The following SUGCT variants were observed in gnomAD, a reference collection of about 807,000 sequenced individuals.
SUGCT encodes the protein succinyl-CoA:glutarate-CoA transferase, also known as succinyl-CoA:glutarate CoA-transferase.
SUGCT carries 41 observed loss-of-function variants against 55.0 expected under a neutral mutation model. The observed-to-expected ratio is 0.74, with a 90% CI of 0.58 to 0.97. The LOEUF (loss-of-function observed/expected upper bound fraction) is 0.97. Among genes scored for constraint, SUGCT ranks in the 50% least tolerant of loss-of-function variants. The pLI is 0.00. For synonymous variants in SUGCT, 187 were observed against 200.4 expected (o/e 0.93, Z 0.56); for missense variants, 568 against 547.8 (o/e 1.04, Z -0.37).
At chr7:40,527,430 G>A (rs951014407) in intron 12 of SUGCT, among the ~76,000 whole-genome samples, 1 of 152,142 alleles carries the variant, frequency 6.6e-6, no homozygotes, top group African/African-American at 2.4e-5. Flanking sequence ...CTTTCTAACA[G>A]AGACAGACAC....
chr7:40,318,362 A>C (rs1020925199), intron 9 of SUGCT, among the ~76,000 whole-genome samples: 2 of 26,620 alleles, frequency 7.5e-5, no homozygotes, highest in East Asian at 1.1e-3. Context: ...GGTCTTTCTC[A>C]AGGGTATTTT....
chr7:40,135,859 A>G (rs565230768), intron 1 of SUGCT, among the ~76,000 whole-genome samples: 71 of 152,110 alleles, frequency 4.7e-4, no homozygotes, highest in African/African-American at 1.7e-3. Flanking sequence ...GTTTCGCCAT[A>G]TTGGCCAGGC....
At chr7:40,592,174 C>G (rs1370349603) in intron 12 of SUGCT, among the ~76,000 whole-genome samples, 1 of 152,142 alleles carries the variant, frequency 6.6e-6, no homozygotes, top group Non-Finnish European at 1.5e-5. Context: ...GGCTTAGATT[C>G]TCTCTAAGAT....
intron 12 of SUGCT, among the ~76,000 whole-genome samples, chr7:40,683,214 T>C (rs1008018570): frequency 1.3e-5 from 2 of 152,212 alleles, no homozygotes; most frequent in Admixed American, 1.3e-4. Flanking sequence ...ATGTTCTAGT[T>C]AAGAAAGTGA....
rs2128809990 is a variant in SUGCT at position 40,860,637 on chromosome 7, A to T, written c.*158A>T. On this transcript the variant is annotated 3_prime_UTR_variant, in exon 14 of 14. Transcript: ENST00000335693. The stretch of plus-strand genomic sequence containing the variant: ...GCATCTCCAGAATGGCTCTGGTATT[A>T]ATGAATCTAGTGCCTTTTAAATGTA... 1.5e-6 allele frequency: 1 copy of T among 655,918 alleles called. No homozygotes were observed. Among genetic ancestry groups the T allele is most frequent in the South Asian group, 3.7e-5 (1 of 26,834 alleles). The allele number at this position is 655,918 out of a possible 1,614,324, so 40.6% of individuals were successfully genotyped here.
chr7:40,973,400 C>T, the SUGCT span, among the ~76,000 whole-genome samples: 1 of 152,116 alleles, frequency 6.6e-6, no homozygotes, highest in Non-Finnish European at 1.5e-5. Flanking sequence ...TTTTTACTAC[C>T]CTTCCCTGGG....
intron 8 of SUGCT, among the ~76,000 whole-genome samples, chr7:40,283,478 C>T (rs1460406342): frequency 6.6e-6 from 1 of 152,144 alleles, no homozygotes; most frequent in Non-Finnish European, 1.5e-5. Context: ...ATCTACCCAC[C>T]TTGGCCTCCC....
intron 1 of SUGCT, among the ~76,000 whole-genome samples, chr7:40,162,162 C>G (rs1784196543): frequency 6.6e-6 from 1 of 152,146 alleles, no homozygotes; most frequent in African/African-American, 2.4e-5. Flanking sequence ...TCCCAAAGCT[C>G]TGGGATTACA....
At chr7:40,920,707 A>G in the SUGCT span, among the ~76,000 whole-genome samples, 2 of 152,210 alleles carry the variant, frequency 1.3e-5, no homozygotes, top group South Asian at 4.1e-4. Flanking sequence ...CTATTTGTCA[A>G]TGTATCTCTA....
At chr7:40,583,504 A>G (rs1202322515) in intron 12 of SUGCT, among the ~76,000 whole-genome samples, 2 of 152,184 alleles carry the variant, frequency 1.3e-5, no homozygotes, top group Non-Finnish European at 2.9e-5. Context: ...GATGATATTT[A>G]GTGTCATTGA....
intron 12 of SUGCT, among the ~76,000 whole-genome samples, chr7:40,735,539 C>T (rs748833374): frequency 2.6e-5 from 4 of 151,998 alleles, no homozygotes; most frequent in Non-Finnish European, 5.9e-5. Context: ...CCAGCATTTG[C>T]TAATACTCTT....
chr7:40,380,279 A>G (rs919275390), intron 9 of SUGCT, among the ~76,000 whole-genome samples: 2 of 152,194 alleles, frequency 1.3e-5, no homozygotes. Context: ...AAAATGCCAT[A>G]AACTCAACTG....
At chr7:40,402,600 T>G (rs1478382105) in intron 9 of SUGCT, among the ~76,000 whole-genome samples, 1 of 152,150 alleles carries the variant, frequency 6.6e-6, no homozygotes, top group Non-Finnish European at 1.5e-5. Context: ...TTTTCTGTTC[T>G]TTCTTAAAAA....
At chr7:40,752,402 C>G (rs1465471893) in intron 13 of SUGCT, among the ~76,000 whole-genome samples, 5 of 152,184 alleles carry the variant, frequency 3.3e-5, no homozygotes, top group Non-Finnish European at 7.3e-5. Flanking sequence ...GTCGCCCAGG[C>G]TGAAGTGCAG....
At chr7:40,486,614 C>T (rs1457310750) in intron 11 of SUGCT, among the ~76,000 whole-genome samples, 1 of 151,788 alleles carries the variant, frequency 6.6e-6, no homozygotes, top group Non-Finnish European at 1.5e-5. Flanking sequence ...CTGCTATAAA[C>T]TTCCCTCTTA....
At chr7:40,879,581 G>A in the SUGCT span, among the ~76,000 whole-genome samples, 1 of 152,154 alleles carries the variant, frequency 6.6e-6, no homozygotes, top group Non-Finnish European at 1.5e-5. Flanking sequence ...CCCAATCATG[G>A]TTCAAGAAAT....
At chr7:40,304,395 C>CT (rs939111598) in intron 8 of SUGCT, among the ~76,000 whole-genome samples, 124 of 147,156 alleles carry the variant, frequency 8.4e-4, no homozygotes, top group African/African-American at 2.8e-3. Context: ...TGGGCCAATT[C>CT]TTTTTTTTTT....
chr7:40,818,995 G>A (rs926164673), intron 13 of SUGCT, among the ~76,000 whole-genome samples: 9 of 144,452 alleles, frequency 6.2e-5, no homozygotes, highest in Non-Finnish European at 8.9e-5. Flanking sequence ...ACCTATGAGC[G>A]AGAACATGTG....
chr7:40,176,063 C>T (rs768544435), intron 1 of SUGCT, among the ~76,000 whole-genome samples: 9 of 152,056 alleles, frequency 5.9e-5, no homozygotes, highest in Non-Finnish European at 8.8e-5. Context: ...GAAACCCCGT[C>T]TCTACTAAAA....
Sources: allele counts gnomAD v4.1 joint callset (sites outside exome capture counted in the v4.1 genomes callset), GRCh38; gene constraint gnomAD v4.1.1; transcripts MANE v1.5; gene names NCBI Gene and HGNC (gene_info 2026-07-23, HGNC 2026-07-21).